Variants in RALYL observed in about 807,000 individuals in gnomAD.
The protein encoded by RALYL is RNA-binding Raly-like protein.
In RALYL, 29 loss-of-function variants were observed where a neutral mutation model predicts 35.1. The observed-to-expected ratio is 0.83, with a 90% CI of 0.61 to 1.13. The LOEUF (loss-of-function observed/expected upper bound fraction) is 1.13, where lower values mean the gene tolerates loss of function less well. Ranked by LOEUF, RALYL falls within the 50% of genes most tolerant of loss-of-function variation. The pLI is 0.00. For synonymous variants in RALYL, 120 were observed against 127.6 expected, an observed-to-expected ratio of 0.94 and a Z score of 0.40; for missense variants, 359 against 360.4, an observed-to-expected ratio of 1.00 and a Z score of 0.03.
intron 2 of RALYL, among the ~76,000 whole-genome samples, chr8:84,689,698 T>A (rs1837615366): frequency 6.6e-6 from 1 of 152,132 alleles, no homozygotes; most frequent in South Asian, 2.1e-4. Flanking sequence ...CCACCAACAG[T>A]GTAAAAGTGT....
At chr8:84,474,552 GA>G (rs2053169392) in intron 1 of RALYL, among the ~76,000 whole-genome samples, 1 of 151,996 alleles carries the variant, frequency 6.6e-6, no homozygotes, top group Admixed American at 6.6e-5. Context: ...TGTATATGTG[GA>G]ATAAATTCCT....
intron 2 of RALYL, among the ~76,000 whole-genome samples, chr8:84,721,548 C>G (rs974518848): frequency 2.6e-5 from 4 of 152,140 alleles, no homozygotes; most frequent in Non-Finnish European, 5.9e-5. Flanking sequence ...ATTCTGTTTC[C>G]TCCCCCATCA....
intron 2 of RALYL, among the ~76,000 whole-genome samples, chr8:84,753,035 G>A (rs545782684): frequency 1.3e-5 from 2 of 152,272 alleles, no homozygotes; most frequent in South Asian, 2.1e-4. Context: ...AAACCCATGG[G>A]CACTCAGTTC....
chr8:84,636,800 T>A (rs956274157), intron 2 of RALYL, among the ~76,000 whole-genome samples: 1 of 151,902 alleles, frequency 6.6e-6, no homozygotes, highest in Admixed American at 6.6e-5. Flanking sequence ...ATTTTTCAAA[T>A]GTGAGGAGGG....
At chr8:84,368,640 T>G (rs1855041987) in intron 1 of RALYL, among the ~76,000 whole-genome samples, 1 of 152,162 alleles carries the variant, frequency 6.6e-6, no homozygotes, top group Non-Finnish European at 1.5e-5. Flanking sequence ...AGAGAACTTG[T>G]GCAGGGAAAT....
intron 1 of RALYL, among the ~76,000 whole-genome samples, chr8:84,357,021 C>A (rs987640005): frequency 6.6e-6 from 1 of 152,034 alleles, no homozygotes; most frequent in Non-Finnish European, 1.5e-5. Flanking sequence ...CTGTTGCTTT[C>A]TCTAAAATAC....
chr8:84,185,374 T>C, intron 1 of RALYL: 1 of 268,120 alleles, frequency 3.7e-6, no homozygotes, highest in East Asian at 7.0e-5. Context: ...ATAGAGGTGA[T>C]GATTTCGTGT....
chr8:84,455,867 T>A (rs189253207), intron 1 of RALYL, among the ~76,000 whole-genome samples: 30 of 152,106 alleles, frequency 2.0e-4, no homozygotes, highest in Non-Finnish European at 3.2e-4. Context: ...AACTTAAACA[T>A]GGGCAGTTCA....
At chr8:84,308,468 A>G (rs1433226090) in intron 1 of RALYL, among the ~76,000 whole-genome samples, 2 of 146,816 alleles carry the variant, frequency 1.4e-5, no homozygotes, top group African/African-American at 2.6e-5. Flanking sequence ...GTTAATAACA[A>G]ATAACCAAAT....
At chr8:84,667,783 C>A (rs1832380767) in intron 2 of RALYL, among the ~76,000 whole-genome samples, 2 of 135,766 alleles carry the variant, frequency 1.5e-5, no homozygotes, top group South Asian at 5.0e-4. Flanking sequence ...ATATCTTATA[C>A]CATTCCTGAT....
chr8:84,803,681 G>A (rs772681060), intron 3 of RALYL, among the ~76,000 whole-genome samples: 3 of 152,164 alleles, frequency 2.0e-5, no homozygotes, highest in African/African-American at 7.2e-5. Context: ...ACCCAAAGCA[G>A]CATGGTATAT....
At chr8:84,890,823 AG>A (rs1843711563) in intron 8 of RALYL, among the ~76,000 whole-genome samples, 1 of 152,040 alleles carries the variant, frequency 6.6e-6, no homozygotes, top group Non-Finnish European at 1.5e-5. Context: ...AATAAATAAA[AG>A]GAGTTAGGAT....
At chr8:84,390,494 G>A (rs992787317) in intron 1 of RALYL, among the ~76,000 whole-genome samples, 2 of 151,884 alleles carry the variant, frequency 1.3e-5, no homozygotes, top group Non-Finnish European at 2.9e-5. Flanking sequence ...TGTTGGTAAG[G>A]TATTGATTAT....
chr8:84,515,384 T>A (rs1173850701), intron 1 of RALYL, among the ~76,000 whole-genome samples: 2 of 152,192 alleles, frequency 1.3e-5, no homozygotes, highest in African/African-American at 4.8e-5. Context: ...ATATATACTG[T>A]CTTAAAATGA....
chr8:84,485,943 C>T (rs1319379), intron 1 of RALYL, among the ~76,000 whole-genome samples: 52,649 of 150,982 alleles, frequency 0.35, 9,507 homozygotes, highest in South Asian at 0.52. Context: ...AAGAAAGTTG[C>T]CAGTGTCTTC....
chr8:84,437,979 T>C (rs1422371605), intron 1 of RALYL, among the ~76,000 whole-genome samples: 3 of 152,184 alleles, frequency 2.0e-5, no homozygotes, highest in East Asian at 1.9e-4. Context: ...TATTTCTTTA[T>C]AGCAATGCAA....
chr8:84,269,744 T>C (rs1281055673), intron 1 of RALYL, among the ~76,000 whole-genome samples: 3 of 152,066 alleles, frequency 2.0e-5, no homozygotes, highest in African/African-American at 7.2e-5. Flanking sequence ...TGGTTAATAT[T>C]TTTTCTGTTT....
chr8:84,308,059 T>C (rs1479528838), intron 1 of RALYL, among the ~76,000 whole-genome samples: 1 of 148,494 alleles, frequency 6.7e-6, no homozygotes, highest in Non-Finnish European at 1.5e-5. Flanking sequence ...ACCATAACTC[T>C]GATTCTTTCT....
At chr8:84,692,132 T>TTA (rs150737730) in intron 2 of RALYL, among the ~76,000 whole-genome samples, 357 of 152,086 alleles carry the variant, frequency 2.3e-3, no homozygotes, top group African/African-American at 8.1e-3. Flanking sequence ...AAAATCATGC[T>TTA]TAGCAATGAA....
Sources: allele counts gnomAD v4.1 joint callset (sites outside exome capture counted in the v4.1 genomes callset), GRCh38; gene constraint gnomAD v4.1.1; transcripts MANE v1.5; gene names NCBI Gene and HGNC (gene_info 2026-07-23, HGNC 2026-07-21).